Variants in ZNF385D observed in about 807,000 individuals in gnomAD.
The protein encoded by ZNF385D is zinc finger protein 659.
Under a neutral mutation model 35.8 loss-of-function variants are expected in ZNF385D, and 15 were observed. That is an observed-to-expected ratio of 0.42 (90% CI 0.28 to 0.64). The LOEUF (loss-of-function observed/expected upper bound fraction) is 0.64, where lower values mean the gene tolerates loss of function less well. Among genes scored for constraint, ZNF385D ranks in the 30% least tolerant of loss-of-function variants. ZNF385D has a pLI of 0.23. For synonymous variants in ZNF385D, 212 were observed against 186.8 expected, an observed-to-expected ratio of 1.13 and a Z score of -1.10; for missense variants, 474 against 494.6, an observed-to-expected ratio of 0.96 and a Z score of 0.39.
At chr3:22,311,848 G>A (rs1298431490) in intron 2 of ZNF385D, among the ~76,000 whole-genome samples, 2 of 151,986 alleles carry the variant, frequency 1.3e-5, no homozygotes, top group East Asian at 3.9e-4. Flanking sequence ...CATGAAATCA[G>A]AGTTTCTAGG....
At chr3:21,769,447 A>C (rs547947968) in intron 3 of ZNF385D, among the ~76,000 whole-genome samples, 88 of 127,714 alleles carry the variant, frequency 6.9e-4, no homozygotes, top group Non-Finnish European at 1.0e-3. Flanking sequence ...AATAACAGAC[A>C]CACAAGAGAG....
At chr3:21,994,954 T>A (rs1695370472) in intron 3 of ZNF385D, among the ~76,000 whole-genome samples, 1 of 152,226 alleles carries the variant, frequency 6.6e-6, no homozygotes, top group Non-Finnish European at 1.5e-5. Context: ...GTGTAAACAC[T>A]TGAGCCCTCA....
chr3:21,640,282 A>T (rs902399916), intron 2 of ZNF385D, among the ~76,000 whole-genome samples: 9 of 151,964 alleles, frequency 5.9e-5, no homozygotes, highest in Admixed American at 5.3e-4. Context: ...TTTTTGATTG[A>T]GCCATGATAG....
At chr3:21,975,799 T>C (rs2125354127) in intron 3 of ZNF385D, among the ~76,000 whole-genome samples, 1 of 144,570 alleles carries the variant, frequency 6.9e-6, no homozygotes, top group Admixed American at 7.1e-5. Context: ...ACTATGTAAC[T>C]ACTATGTACC....
chr3:21,862,293 C>T (rs1697096256), intron 3 of ZNF385D, among the ~76,000 whole-genome samples: 1 of 142,902 alleles, frequency 7.0e-6, no homozygotes, highest in Middle Eastern at 3.7e-3. Flanking sequence ...GATATCTCTA[C>T]TTTTTTTTTT....
At chr3:22,128,289 C>T (rs893641748) in intron 3 of ZNF385D, among the ~76,000 whole-genome samples, 1 of 152,042 alleles carries the variant, frequency 6.6e-6, no homozygotes, top group African/African-American at 2.4e-5. Context: ...TTATTTATTT[C>T]TTTTCTCTTG....
intron 3 of ZNF385D, among the ~76,000 whole-genome samples, chr3:21,847,544 A>C (rs566232687): frequency 2.0e-5 from 3 of 152,180 alleles, no homozygotes; most frequent in African/African-American, 7.2e-5. Context: ...ACTAAAAAAG[A>C]GGGGAATTAA....
Position 22,207,222 on chromosome 3 carries a change from A to G in ZNF385D, c.107-38187T>C, listed in dbSNP as rs1168394450. 7.9e-5 allele frequency among the ~76,000 whole-genome samples: 12 copies of G among 151,986 alleles called. No individual in the cohort carries two copies. The South Asian group carries it at 1.4e-3, about 18-fold the overall frequency. ...GTATGCAGTAGGTTGGTACTGGCATAAAAATAGACACACAGACCAATGGAA... is the reference window on the plus strand; with the variant it reads ...GTATGCAGTAGGTTGGTACTGGCATGAAAATAGACACACAGACCAATGGAA... On this transcript the variant is annotated intron_variant, in intron 2 of 5. Transcript: ENST00000494108.
rs75828835 is a variant in ZNF385D at position 22,326,318 on chromosome 3, T to C, written c.106+46132A>G. Among the ~76,000 whole-genome samples the C allele has an allele frequency of 9.3e-3, 1,417 of 152,190 alleles. 20 individuals are homozygous for C. The highest frequency in any genetic ancestry group is 0.032 in the African/African-American group (1,315 of 41,520). On this transcript the variant is annotated intron_variant, in intron 2 of 5. Transcript: ENST00000494108. Reference sequence around the variant, plus strand: ...CTGAGAGGTAAGGGAGAAAATTCCTTCCCCAAGCCTGAAAGACTGGGGGCC... The same window carrying C: ...CTGAGAGGTAAGGGAGAAAATTCCTCCCCCAAGCCTGAAAGACTGGGGGCC...
chr3:21,799,730 T>G (rs1382818995), intron 3 of ZNF385D, among the ~76,000 whole-genome samples: 1 of 152,160 alleles, frequency 6.6e-6, no homozygotes, highest in Non-Finnish European at 1.5e-5. Flanking sequence ...GTATTTCACT[T>G]ATTTATAATA....
intron 2 of ZNF385D, among the ~76,000 whole-genome samples, chr3:22,271,920 C>A (rs1701198045): frequency 1.3e-5 from 2 of 152,106 alleles, no homozygotes; most frequent in South Asian, 4.1e-4. Context: ...AGAAACAATA[C>A]TTTGAATATT....
chr3:21,936,081 A>G (rs928498700), intron 3 of ZNF385D, among the ~76,000 whole-genome samples: 2 of 152,042 alleles, frequency 1.3e-5, no homozygotes, highest in African/African-American at 4.8e-5. Context: ...ATGGCCAGAG[A>G]CCAGTTACAC....
At chr3:21,582,428 C>G (rs564945791) in intron 2 of ZNF385D, among the ~76,000 whole-genome samples, 1 of 152,136 alleles carries the variant, frequency 6.6e-6, no homozygotes, top group Non-Finnish European at 1.5e-5. Context: ...TAATTCCCAC[C>G]AAATTGCTAA....
chr3:22,305,565 A>G (rs1384215437), intron 2 of ZNF385D, among the ~76,000 whole-genome samples: 4 of 152,120 alleles, frequency 2.6e-5, no homozygotes, highest in Non-Finnish European at 5.9e-5. Flanking sequence ...CTCCTGGAGC[A>G]TCATCATTTG....
At chr3:21,858,063 G>A (rs1264589581) in intron 3 of ZNF385D, among the ~76,000 whole-genome samples, 1 of 151,304 alleles carries the variant, frequency 6.6e-6, no homozygotes, top group African/African-American at 2.4e-5. Context: ...TCGGGAGGCT[G>A]AGGTAGGAGA....
At chr3:21,605,169 T>C (rs776886286) in intron 2 of ZNF385D, among the ~76,000 whole-genome samples, 4 of 152,064 alleles carry the variant, frequency 2.6e-5, no homozygotes, top group Non-Finnish European at 4.4e-5. Context: ...AATGAGATCA[T>C]TGGAGGGGGG....
chr3:21,707,106 T>G (rs1459135556), intron 1 of ZNF385D, among the ~76,000 whole-genome samples: 2 of 152,208 alleles, frequency 1.3e-5, no homozygotes. Flanking sequence ...TTTGTTATTT[T>G]TTTTTAATTG....
chr3:21,575,965 T>G (rs1479253140), intron 2 of ZNF385D, among the ~76,000 whole-genome samples: 1 of 152,122 alleles, frequency 6.6e-6, no homozygotes. Flanking sequence ...CAAGAAAAGC[T>G]TAGGCTTAAA....
At chr3:22,242,308 T>A (rs796492220) in intron 2 of ZNF385D, among the ~76,000 whole-genome samples, 15 of 151,326 alleles carry the variant, frequency 9.9e-5, no homozygotes, top group African/African-American at 3.7e-4. Context: ...AAATTTAAGA[T>A]GGAAACCATA....
Sources: allele counts gnomAD v4.1 joint callset (sites outside exome capture counted in the v4.1 genomes callset), GRCh38; gene constraint gnomAD v4.1.1; transcripts MANE v1.5; gene names NCBI Gene and HGNC (gene_info 2026-07-23, HGNC 2026-07-21).